CAP1: variants seen among roughly 807,000 people sequenced by gnomAD.
The protein encoded by CAP1 is cyclase associated actin cytoskeleton regulatory protein 1.
In CAP1, 11 loss-of-function variants were observed where a neutral mutation model predicts 58.2. The ratio of observed to expected loss-of-function variants is 0.19; its 90% CI spans 0.12 to 0.31. CAP1 has a LOEUF of 0.31. Ranked by LOEUF, CAP1 falls within the 10% of genes least tolerant of loss-of-function variation. The probability of loss-of-function intolerance (pLI) is 1.00; values close to 1 mark genes in which losing one functional copy is unlikely to be tolerated. For missense variants in CAP1, 423 were observed against 587.5 expected (o/e 0.72, Z 2.89); for synonymous variants, 183 against 213.8 (o/e 0.86, Z 1.26).
At chr1:40,045,164 A>T (rs966758056) in intron 1 of CAP1, among the ~76,000 whole-genome samples, 3 of 152,250 alleles carry the variant, frequency 2.0e-5, no homozygotes, top group Admixed American at 1.3e-4. Flanking sequence ...GATGCCAATA[A>T]GACTTCCTCA....
chr1:40,045,116 A>G (rs552266565), intron 1 of CAP1, among the ~76,000 whole-genome samples: 1 of 152,170 alleles, frequency 6.6e-6, no homozygotes, highest in South Asian at 2.1e-4. Flanking sequence ...TGTCCTGTGC[A>G]CTGTGGGATG....
intron 1 of CAP1, among the ~76,000 whole-genome samples, chr1:40,048,724 C>T (rs1297317938): frequency 6.6e-6 from 1 of 152,012 alleles, no homozygotes; most frequent in Non-Finnish European, 1.5e-5. Flanking sequence ...ATTAGAAGTC[C>T]AAGATAGATA....
At chr1:40,067,920 TG>T (rs1434178283) in intron 8 of CAP1, among the ~76,000 whole-genome samples, 1 of 152,196 alleles carries the variant, frequency 6.6e-6, no homozygotes, top group Non-Finnish European at 1.5e-5. Context: ...ATCTGCCCCA[TG>T]GGAAAGTGAC....
chr1:40,061,252 A>G (rs1004175107), intron 3 of CAP1, among the ~76,000 whole-genome samples: 3 of 151,696 alleles, frequency 2.0e-5, no homozygotes, highest in Admixed American at 6.6e-5. Flanking sequence ...TGATTTAATT[A>G]TTTATTAATG....
intron 1 of CAP1, among the ~76,000 whole-genome samples, chr1:40,050,584 G>A (rs1408923264): frequency 1.3e-5 from 2 of 151,772 alleles, no homozygotes; most frequent in Non-Finnish European, 2.9e-5. Context: ...GCTTGAACCT[G>A]GAAGGTGGAG....
chr1:40,066,195 T>G lies in CAP1; in HGVS notation c.525-20T>G, dbSNP rs914364921. 4.4e-6 allele frequency: 6 copies of G among 1,370,754 alleles called. No homozygotes were observed. Among genetic ancestry groups the G allele is most frequent in the Non-Finnish European group, 6.3e-6 (6 of 959,484 alleles). 84.9% of individuals were successfully genotyped at this position (1,370,754 alleles called of 1,614,324 possible). On this transcript the variant is annotated intron_variant, in intron 6 of 12. Coordinates refer to ENST00000372805, the MANE Select transcript of CAP1 (RefSeq NM_006367.4). ...ATGTACCCGGATCACCTGTGACAAG[T>G]TCTTCTTTAATCCTCCCAGGGATAA...
chr1:40,047,519 T>C (rs774589550), intron 1 of CAP1, among the ~76,000 whole-genome samples: 15 of 152,196 alleles, frequency 9.9e-5, no homozygotes, highest in Non-Finnish European at 1.8e-4. Flanking sequence ...TCCATATTCC[T>C]ACTTGTAGAT....
At chr1:40,057,912 T>G (rs575820775) in intron 1 of CAP1, among the ~76,000 whole-genome samples, 1 of 152,210 alleles carries the variant, frequency 6.6e-6, no homozygotes, top group Admixed American at 6.5e-5. Flanking sequence ...TAGAGGTGCA[T>G]TGATCATATT....
At chr1:40,049,351 C>T (rs116032080) in intron 1 of CAP1, among the ~76,000 whole-genome samples, 2 of 151,890 alleles carry the variant, frequency 1.3e-5, no homozygotes, top group East Asian at 3.9e-4. Flanking sequence ...TCTAGGATTA[C>T]AGGCATGCAC....
chr1:40,061,943 C>A, intron 4 of CAP1, 131 bp downstream of exon 4: 1 of 724,584 alleles, frequency 1.4e-6, no homozygotes, highest in Non-Finnish European at 2.4e-6. Flanking sequence ...TACCAAGTCC[C>A]AGAGGTAGAG....
In CAP1 at chr1:40,070,164, T is replaced by C; in HGVS notation, c.999T>C (p.Asn333=). 5 of 1,614,134 alleles carry C rather than the reference T, an allele frequency of 3.1e-6. No individual in the cohort carries two copies. Among genetic ancestry groups the C allele is most frequent in the Non-Finnish European group, 4.2e-6 (5 of 1,180,036 alleles). ...ELEGKKWRVE[N]QENVSNLVIE... ...CTGGGATCTCTCTCTAACAGGAAAA[T>C]CAGGAAAATGTTTCCAACCTGGTGA... The change falls in exon 10 of 13, where the codon AAT becomes AAC. Residue 333 remains asparagine (N), a synonymous_variant. Coordinates refer to ENST00000372805, the MANE Select transcript of CAP1 (RefSeq NM_006367.4).
At chr1:40,057,895 C>T (rs1273392287) in intron 1 of CAP1, among the ~76,000 whole-genome samples, 2 of 152,270 alleles carry the variant, frequency 1.3e-5, no homozygotes, top group Non-Finnish European at 2.9e-5. Flanking sequence ...GTCTCAAATA[C>T]TTTATGTAGA....
At chr1:40,065,030 A>C (rs1476046715) in intron 6 of CAP1, among the ~76,000 whole-genome samples, 1 of 152,226 alleles carries the variant, frequency 6.6e-6, no homozygotes, top group Non-Finnish European at 1.5e-5. Flanking sequence ...TGCAAGCAGG[A>C]AATACTTCTG....
intron 1 of CAP1, among the ~76,000 whole-genome samples, chr1:40,056,960 G>A (rs997944406): frequency 2.0e-5 from 3 of 151,708 alleles, no homozygotes; most frequent in African/African-American, 7.3e-5. Flanking sequence ...AATGAGATTA[G>A]CTATAAATGG....
rs1383915063 is a variant in CAP1, at chr1:40,071,494, G to A, written c.1389G>A (p.Gly463=). Residue 463 remains glycine, a synonymous_variant, in exon 13 of 13, where the codon GGG becomes GGA. Transcript: ENST00000372805. ...AGCAGTTCAAGACCCTATGGAACGG[G>A]CAGAAGTTGGTCACCACAGTGACAG... ...VPEQFKTLWN[G]QKLVTTVTEI... 6.2e-7 allele frequency: 1 copy of A among 1,613,776 alleles called. No homozygotes were observed. The highest frequency in any genetic ancestry group is 2.2e-5 in the East Asian group (1 of 44,888).
chr1:40,045,865 T>G (rs1646071298), intron 1 of CAP1, among the ~76,000 whole-genome samples: 1 of 152,078 alleles, frequency 6.6e-6, no homozygotes, highest in Admixed American at 6.5e-5. Flanking sequence ...ATGTTTGATT[T>G]TTTTCAGAGA....
At chr1:40,061,232 C>G (rs1200530598) in intron 3 of CAP1, among the ~76,000 whole-genome samples, 1 of 151,536 alleles carries the variant, frequency 6.6e-6, no homozygotes, top group Non-Finnish European at 1.5e-5. Context: ...TTCCATTAAG[C>G]TCACTAAATT....
chr1:40,047,543 G>A (rs1020696778), intron 1 of CAP1, among the ~76,000 whole-genome samples: 4 of 152,156 alleles, frequency 2.6e-5, no homozygotes, highest in African/African-American at 7.2e-5. Flanking sequence ...TCATGGCTAA[G>A]GACAAACGTC....
chr1:40,056,963 A>G (rs547940622), intron 1 of CAP1, among the ~76,000 whole-genome samples: 2 of 152,156 alleles, frequency 1.3e-5, no homozygotes, highest in East Asian at 3.9e-4. Flanking sequence ...GAGATTAGCT[A>G]TAAATGGTAG....
Sources: allele counts gnomAD v4.1 joint callset (sites outside exome capture counted in the v4.1 genomes callset), GRCh38; gene constraint gnomAD v4.1.1; transcripts MANE v1.5; gene names NCBI Gene and HGNC (gene_info 2026-07-23, HGNC 2026-07-21).